Variants in FAT1 observed in about 807,000 individuals in gnomAD.
FAT1 encodes FAT atypical cadherin 1, also known as protocadherin Fat 1.
Under a neutral mutation model 329.8 loss-of-function variants are expected in FAT1, and 171 were observed. The observed-to-expected ratio is 0.52, with a 90% CI of 0.46 to 0.59. The LOEUF is 0.59. FAT1 is among the 20% of genes least tolerant of loss of function. FAT1 has a pLI of 0.00. For missense variants in FAT1, 5,672 were observed against 5,774.4 expected, an observed-to-expected ratio of 0.98 and a Z score of 0.57; for synonymous variants, 2,233 against 2,228.6, an observed-to-expected ratio of 1.00 and a Z score of -0.06.
In FAT1 at chr4:186,648,708, C is replaced by T. The variant is rs183375374; in HGVS notation, c.3581-8925G>A. Among the ~76,000 whole-genome samples the T allele has an allele frequency of 1.3e-3, 193 of 152,164 alleles. 1 individual carries two copies. The highest frequency in any genetic ancestry group is 4.4e-3 in the African/African-American group (182 of 41,516). ...AAAGTGTTCAGAAGGCTCTACTGCT[C>T]GAGCCTTTTCCTGCAGAGGTGTGCA... On this transcript the variant is annotated intron_variant, in intron 3 of 26. Transcript: ENST00000441802.
chr4:186,596,908 T>G lies in FAT1; in HGVS notation c.12632A>C (p.Lys4211Thr). The G allele has an allele frequency of 1.2e-6, 2 of 1,614,042 alleles. No homozygotes were observed. Among genetic ancestry groups the G allele is most frequent in the Non-Finnish European group, 1.7e-6 (2 of 1,179,902 alleles). ...CTTGTCTTTAGGTTCAGCCTGATGC[T>G]TCTTTTTCCGACTAATCATCTTACG... The part of the protein sequence containing the change: ...LCRKMISRKK[K>T]HQAEPKDKHL... Residue 4211 changes from lysine (K) to threonine (T), a missense_variant, in exon 25 of 27, where the codon AAG (lysine) becomes ACG (threonine). Coordinates refer to ENST00000441802, the MANE Select transcript of FAT1 (RefSeq NM_005245.4). This position sits in a 1 kb window ranked among gnomAD's most constrained non-coding sequence, Gnocchi z 4.7.
chr4:186,718,638 G>A (rs1374102148), intron 1 of FAT1, among the ~76,000 whole-genome samples: 3 of 152,204 alleles, frequency 2.0e-5, no homozygotes, highest in Non-Finnish European at 2.9e-5. Context: ...CTGCACTCCA[G>A]CCTGGGCGAC....
At position 186,619,747 on chromosome 4, in the gene FAT1, G is replaced by C. The variant is rs748117450; in HGVS notation, c.6839C>G (p.Pro2280Arg). 1.9e-6 allele frequency: 3 copies of C among 1,613,960 alleles called. No homozygotes were observed. The East Asian group carries it at 6.7e-5, about 36-fold the overall frequency. ...DIIVDDINDN[P>R]PVFAQQSYAV... Reference sequence around the variant, plus strand: ...ATAAGACTGCTGAGCAAACACAGGAGGGTTATCATTGATGTCGTCTACTAT... The same window carrying C: ...ATAAGACTGCTGAGCAAACACAGGACGGTTATCATTGATGTCGTCTACTAT... The change falls in exon 10 of 27, where the codon CCT becomes CGT. Residue 2280 changes from proline to arginine, a missense_variant. By Grantham distance (103) the Pro-to-Arg change is moderately radical. Around this residue, in one of 2 missense-constraint regions of FAT1, gnomAD observed 3,966 missense variants for 3,915.2 expected, o/e 1.01. Coordinates refer to ENST00000441802, the MANE Select transcript of FAT1 (RefSeq NM_005245.4).
intron 25 of FAT1, 100 bp from the exon 26 acceptor site, chr4:186,595,926 G>GTC (rs1412880324): frequency 4.2e-5 from 52 of 1,231,912 alleles, no homozygotes; most frequent in Non-Finnish European, 5.9e-5. Flanking sequence ...GATGGCCTGA[G>GTC]ATTTACTCAA....
chr4:186,689,946 T>C (rs1743674842), intron 2 of FAT1, among the ~76,000 whole-genome samples: 3 of 152,232 alleles, frequency 2.0e-5, no homozygotes. Context: ...TACCTACTTT[T>C]TCCCATCACC....
At position 186,621,136 on chromosome 4, in the gene FAT1, T is replaced by G; in HGVS notation, c.5450A>C (p.His1817Pro). 6.2e-7 allele frequency: 1 copy of G among 1,613,912 alleles called. No individual in the cohort carries two copies. The highest frequency in any genetic ancestry group is 1.1e-5 in the South Asian group (1 of 91,080). Residue 1817 changes from histidine (H) to proline (P), a missense_variant, in exon 10 of 27, where the codon CAC becomes CCC. Transcript: ENST00000441802. ...GCTAGAATCAATAGCAAAATATGTG[T>G]GTACAGATGGTTCAACAATGTGATA... ...LVYHIVEPSV[H>P]TYFAIDSSTG...
rs2126402383 is a variant in FAT1 at position 186,598,038 on chromosome 4, C to T, written c.12191G>A (p.Gly4064Glu). 1 of 1,613,924 alleles carries T rather than the reference C, an allele frequency of 6.2e-7. No homozygotes were observed. The highest frequency in any genetic ancestry group is 8.5e-7 in the Non-Finnish European group (1 of 1,179,884). The change falls in exon 23 of 27, where the codon GGG becomes GAG. Residue 4064 changes from glycine (G) to glutamate (E), a missense_variant. Gly to Glu is a moderately conservative substitution (Grantham distance 98). This residue lies in a region of FAT1 where 1,706 missense variants were observed against 1,859.1 expected (regional missense o/e 0.92). Coordinates refer to ENST00000441802, the MANE Select transcript of FAT1 (RefSeq NM_005245.4). ...TCCGTTGTCGACAACACACGTGCCC[C>T]CATAGAGGCATGGCTTGGAGGAACA... Reference protein sequence around the residue: ...NPCSSKPCLYGGTCVVDNGGF... With the variant: ...NPCSSKPCLYEGTCVVDNGGF...
chr4:186,596,659 C>G lies in FAT1; in HGVS notation c.12881G>C (p.Gly4294Ala), dbSNP rs766244976. 2 of 1,611,816 alleles carry G rather than the reference C, an allele frequency of 1.2e-6. No homozygotes were observed. The highest frequency in any genetic ancestry group is 1.7e-4 in the Middle Eastern group (1 of 6,042). The change falls in exon 25 of 27, where the codon GGG becomes GCG. Residue 4294 changes from glycine to alanine, a missense_variant. By Grantham distance (60) the Gly-to-Ala change is moderately conservative. This residue lies in a region of FAT1 where 1,706 missense variants were observed against 1,859.1 expected (regional missense o/e 0.92). Transcript: ENST00000441802. This position sits in a 1 kb window ranked among gnomAD's most constrained non-coding sequence, Gnocchi z 4.7. Reference protein sequence around the residue: ...FSTFNPESVHGHRKAVAVCSV... With the variant: ...FSTFNPESVHAHRKAVAVCSV... ...GCAGACCGCCACTGCTTTTCGGTGC[C>G]CGTGCACAGACTCGGGGTTAAAAGT...
rs182406148 is a variant in FAT1, at chr4:186,696,089, C to T, written c.3265+10474G>A. Among the ~76,000 whole-genome samples the T allele has an allele frequency of 8.5e-5, 13 of 152,308 alleles. 1 individual carries two copies. Among genetic ancestry groups the T allele is most frequent in the Admixed American group, 7.2e-4 (11 of 15,300 alleles). The stretch of plus-strand genomic sequence containing the variant: ...TACAGGCGGGAGCCACAGCGCCCGG[C>T]CATAGGCCCTAGAACACTTATTTTA... On this transcript the variant is annotated intron_variant, in intron 2 of 26. Transcript: ENST00000441802.
At position 186,588,621 on chromosome 4, in the gene FAT1, G is replaced by A. The variant is rs2126346904; in HGVS notation, c.13738C>T (p.Leu4580=). The change falls in exon 27 of 27, where the codon CTG becomes TTG. Residue 4580 remains leucine (L), a synonymous_variant. Transcript: ENST00000441802. The part of the protein sequence containing the change: ...GHFEEVTIPP[L]DSQQHTEV The stretch of plus-strand genomic sequence containing the variant: ...ACTTCCGTGTGCTGCTGGGAATCCA[G>A]GGGCGGGATCGTCACCTCTTCGAAG... 2 of 1,613,094 alleles carry A rather than the reference G, an allele frequency of 1.2e-6. No homozygotes were observed. Among genetic ancestry groups the A allele is most frequent in the Non-Finnish European group, 1.7e-6 (2 of 1,179,432 alleles).
In FAT1 at chr4:186,708,913, T is replaced by G; in HGVS notation, c.915A>C (p.Thr305=). 1.2e-6 allele frequency: 2 copies of G among 1,613,994 alleles called. No individual in the cohort carries two copies. Among genetic ancestry groups the G allele is most frequent in the South Asian group, 1.1e-5 (1 of 91,082 alleles). ...VAGDLLQQFR[T]VRSFPGSKEY... ...CCTTACTCCCTGGAAAGGACCTCAC[T>G]GTTCTAAACTGCTGGAGAAGGTCAC... is the stretch of plus-strand genomic sequence containing the variant. The change falls in exon 2 of 27, where the codon ACA becomes ACC. Residue 305 remains threonine (T), a synonymous_variant. Transcript: ENST00000441802.
At position 186,596,125 on chromosome 4, in the gene FAT1, C is replaced by T. The variant is rs1438024068; in HGVS notation, c.13001-299G>A. 6.7e-6 allele frequency among the ~76,000 whole-genome samples: 1 copy of T among 150,102 alleles called. No individual in the cohort carries two copies. Among genetic ancestry groups the T allele is most frequent in the East Asian group, 1.9e-4 (1 of 5,170 alleles). On this transcript the variant is annotated intron_variant, in intron 25 of 26. Coordinates refer to ENST00000441802, the MANE Select transcript of FAT1 (RefSeq NM_005245.4). This position sits in a 1 kb window ranked among gnomAD's most constrained non-coding sequence, Gnocchi z 4.7. ...AAATTTTGTTTTAAAATAGTATGTA[C>T]AGCTTTAAAAGAAAAAAGCATCAAA...
In FAT1 at chr4:186,708,491, G is replaced by A. The variant is rs1477293619; in HGVS notation, c.1337C>T (p.Ser446Phe). ...LEVTTSDRKA[S>F]TKVLVKVLGA... ...TAAGACTTTCACCAAGACCTTGGTGGACGCTTTTCTGTCACTTGTTGTTAC... is the reference window on the plus strand; with the variant it reads ...TAAGACTTTCACCAAGACCTTGGTGAACGCTTTTCTGTCACTTGTTGTTAC... The change falls in exon 2 of 27, where the codon TCC becomes TTC. Residue 446 changes from serine (S) to phenylalanine (F), a missense_variant. Coordinates refer to ENST00000441802, the MANE Select transcript of FAT1 (RefSeq NM_005245.4). 1.2e-6 allele frequency: 2 copies of A among 1,613,816 alleles called. No homozygotes were observed. The highest frequency in any genetic ancestry group is 2.7e-5 in the African/African-American group (2 of 74,902).
At chr4:186,719,324 G>C (rs531120828) in intron 1 of FAT1, among the ~76,000 whole-genome samples, 1 of 152,058 alleles carries the variant, frequency 6.6e-6, no homozygotes, top group South Asian at 2.1e-4. Context: ...TGCATCCATG[G>C]ATCCAACCAA....
At chr4:186,639,062 C>G (rs1274620871) in intron 4 of FAT1, among the ~76,000 whole-genome samples, 1 of 152,184 alleles carries the variant, frequency 6.6e-6, no homozygotes, top group African/African-American at 2.4e-5. Flanking sequence ...AGCCAAAAAC[C>G]AGGTGACCAA....
intron 14 of FAT1, 131 bp from the exon 15 acceptor site, chr4:186,610,146 T>C: frequency 3.3e-6 from 2 of 597,324 alleles, no homozygotes. Context: ...TTTACGTATG[T>C]TTCCTATTTT....
chr4:186,615,613 C>T (rs1014288808), intron 11 of FAT1, among the ~76,000 whole-genome samples: 3 of 152,130 alleles, frequency 2.0e-5, no homozygotes, highest in Non-Finnish European at 2.9e-5. Flanking sequence ...CATCACGGGA[C>T]CCAAATGGTC....
In FAT1 at chr4:186,636,156, G is replaced by C. The variant is rs761227936; in HGVS notation, c.4052C>G (p.Pro1351Arg). The C allele has an allele frequency of 6.2e-7, 1 of 1,613,950 alleles. No individual in the cohort carries two copies. Among genetic ancestry groups the C allele is most frequent in the South Asian group, 1.1e-5 (1 of 91,076 alleles). Residue 1351 changes from proline (P) to arginine (R), a missense_variant, in exon 6 of 27, where the codon CCG becomes CGG. Pro to Arg is a moderately radical substitution (Grantham distance 103). This residue lies in a region of FAT1 where 3,966 missense variants were observed against 3,915.2 expected (regional missense o/e 1.01). Transcript: ENST00000441802. ...LHIEWISKPKPSLEPISFEES... is the reference protein window; with the variant it reads ...LHIEWISKPKRSLEPISFEES... ...TTCAAATGAAATGGGCTCCAGGGAC[G>C]GTTTGGGCTTGGAGATCCATTCAAT...
chr4:186,649,377 T>C (rs1579386574), intron 3 of FAT1, among the ~76,000 whole-genome samples: 1 of 152,228 alleles, frequency 6.6e-6, no homozygotes, highest in Non-Finnish European at 1.5e-5. Context: ...GTGGATTGAA[T>C]GGTGGCTCCT....
Sources: allele counts gnomAD v4.1 joint callset (sites outside exome capture counted in the v4.1 genomes callset), GRCh38; gene constraint gnomAD v4.1.1; regional missense constraint gnomAD v4.1.1; non-coding constraint Gnocchi (gnomAD v3.1); transcripts MANE v1.5; gene names NCBI Gene and HGNC (gene_info 2026-07-23, HGNC 2026-07-21).